PREX1: variants seen among roughly 807,000 people sequenced by gnomAD.
PREX1 encodes the protein phosphatidylinositol-3,4,5-trisphosphate dependent Rac exchange factor 1.
In PREX1, 41 loss-of-function variants were observed where a neutral mutation model predicts 198.3. That is an observed-to-expected ratio of 0.21 (90% confidence interval 0.16 to 0.27). PREX1 has a LOEUF of 0.27. Among genes scored for constraint, PREX1 ranks in the 10% least tolerant of loss-of-function variants. The probability of loss-of-function intolerance (pLI) is 1.00; values close to 1 mark genes in which losing one functional copy is unlikely to be tolerated. For missense variants in PREX1, 1,620 were observed against 2,200.7 expected, an observed-to-expected ratio of 0.74 and a Z score of 5.28; for synonymous variants, 843 against 887.2, an observed-to-expected ratio of 0.95 and a Z score of 0.89.
intron 14 of PREX1, among the ~76,000 whole-genome samples, chr20:48,674,716 C>A (rs1386616296): frequency 6.6e-6 from 1 of 152,142 alleles, no homozygotes; most frequent in South Asian, 2.1e-4. Flanking sequence ...CCTGCTGGGG[C>A]CTTATCCAGA....
rs929351375 is a variant in PREX1 at position 48,650,085 on chromosome 20, G to A, written c.2939C>T (p.Ser980Phe). 1 of 1,614,216 alleles carries A rather than the reference G, an allele frequency of 6.2e-7. No homozygotes were observed. The highest frequency in any genetic ancestry group is 8.5e-7 in the Non-Finnish European group (1 of 1,180,018). ...TNCHINLMEV[S>F]YPKTTPSVGR... Reference sequence around the variant, plus strand: ...CACTGAGGGGGTGGTCTTGGGGTAGGACACTTCCATGAGGTTGATGTGGCA... The same window carrying A: ...CACTGAGGGGGTGGTCTTGGGGTAGAACACTTCCATGAGGTTGATGTGGCA... Residue 980 changes from serine (S) to phenylalanine (F), a missense_variant, in exon 24 of 40, where the codon TCC becomes TTC. Physicochemically the swap from Ser to Phe is radical, Grantham distance 155 (BLOSUM62 -2). Coordinates refer to ENST00000371941, the MANE Select transcript of PREX1 (RefSeq NM_020820.4).
chr20:48,751,636 C>T (rs899220796), intron 1 of PREX1, among the ~76,000 whole-genome samples: 1 of 152,206 alleles, frequency 6.6e-6, no homozygotes, highest in Non-Finnish European at 1.5e-5. Context: ...GCGACTCTTC[C>T]TTTGTCCAAG....
In PREX1 at chr20:48,691,102, G is replaced by T. The variant is rs1396764641; in HGVS notation, c.1037-6C>A. Reference sequence around the variant, plus strand: ...GCCGTTGCTATGGTAATCCGCTGGTGGGGGCAGGAGGCAAAGGTGCAGCAG... The same window carrying T: ...GCCGTTGCTATGGTAATCCGCTGGTTGGGGCAGGAGGCAAAGGTGCAGCAG... On this transcript the variant is annotated splice_polypyrimidine_tract_variant and splice_region_variant and intron_variant, in intron 8 of 39. Transcript: ENST00000371941. The surrounding 1 kb of genome is among the most constrained non-coding windows in gnomAD (Gnocchi z 5.0). 4 of 1,613,980 alleles carry T rather than the reference G, an allele frequency of 2.5e-6. No individual in the cohort carries two copies. In the South Asian group the frequency reaches 4.4e-5, roughly 18 times the overall value.
intron 1 of PREX1, among the ~76,000 whole-genome samples, chr20:48,769,991 C>T (rs1375162469): frequency 6.6e-6 from 1 of 152,204 alleles, no homozygotes; most frequent in Admixed American, 6.5e-5. Context: ...CCATAAATCA[C>T]TTGTAAGCCC....
intron 1 of PREX1, among the ~76,000 whole-genome samples, chr20:48,755,113 T>C (rs1445695111): frequency 6.6e-6 from 1 of 152,210 alleles, no homozygotes; most frequent in African/African-American, 2.4e-5. Flanking sequence ...CAACAAGGAA[T>C]GATCATGCTA....
At chr20:48,653,623 AC>A in intron 19 of PREX1, 126 bp from the exon 20 acceptor site, 1 of 1,188,934 alleles carries the variant, frequency 8.4e-7, no homozygotes, top group Non-Finnish European at 1.2e-6. Context: ...CACCCCTCCC[AC>A]CCCAGAGCCG....
intron 3 of PREX1, among the ~76,000 whole-genome samples, chr20:48,735,416 G>A (rs920169461): frequency 3.3e-5 from 5 of 152,136 alleles, no homozygotes; most frequent in Non-Finnish European, 4.4e-5. Context: ...ATGGCCTTCC[G>A]ATGGGAGGCT....
chr20:48,645,434 G>C (rs1450498765), intron 26 of PREX1, among the ~76,000 whole-genome samples: 1 of 152,166 alleles, frequency 6.6e-6, no homozygotes, highest in Admixed American at 6.5e-5. Flanking sequence ...AGAAAATTTA[G>C]ATCTTCTCAG....
intron 5 of PREX1, among the ~76,000 whole-genome samples, chr20:48,715,177 GTGCT>G (rs893753383): frequency 6.6e-5 from 10 of 152,178 alleles, no homozygotes; most frequent in Admixed American, 1.3e-4. Context: ...AACCCAAGAG[GTGCT>G]TGCTTGCTTG....
chr20:48,645,834 CT>C lies in PREX1; in HGVS notation c.3512+16del, dbSNP rs763337766. The C allele has an allele frequency of 4.3e-6, 7 of 1,612,890 alleles. No individual in the cohort carries two copies. The highest frequency in any genetic ancestry group is 5.9e-6 in the Non-Finnish European group (7 of 1,179,492). ...GCCATCCTCATCTAACCTCAGCCCC[CT>C]GACGGTGACACCCACCTGTAGGAGT... On this transcript the variant is annotated intron_variant, in intron 26 of 39. Coordinates refer to ENST00000371941, the MANE Select transcript of PREX1 (RefSeq NM_020820.4).
chr20:48,650,952 C>T lies in PREX1; in HGVS notation c.2759G>A (p.Arg920His), dbSNP rs571486009. 3.7e-5 allele frequency: 60 copies of T among 1,614,160 alleles called. No homozygotes were observed. Among genetic ancestry groups the T allele is most frequent in the Middle Eastern group, 1.6e-4 (1 of 6,062 alleles). ...CTCCAGCTTGGTGTCACAGATGTTG[C>T]GGAACTCAAAGTGGGGCATGGTCAC... ...AIVTMPHFEF[R>H]NICDTKLESI... The change falls in exon 23 of 40, where the codon CGC becomes CAC. Residue 920 changes from arginine to histidine, a missense_variant. Arg to His is a conservative substitution (Grantham distance 29, BLOSUM62 0). Around this residue, in one of 7 missense-constraint regions of PREX1, gnomAD observed 514 missense variants for 611.6 expected, o/e 0.84. Transcript: ENST00000371941.
intron 6 of PREX1, among the ~76,000 whole-genome samples, chr20:48,702,257 C>G (rs1248424123): frequency 1.3e-5 from 2 of 151,406 alleles, no homozygotes; most frequent in East Asian, 1.9e-4. Context: ...ATGGGAAGGT[C>G]CTAGCTGGGA....
intron 5 of PREX1, among the ~76,000 whole-genome samples, chr20:48,719,669 C>T (rs555459031): frequency 6.6e-6 from 1 of 152,236 alleles, no homozygotes; most frequent in Admixed American, 6.5e-5. Flanking sequence ...GGACAATTGT[C>T]CAATAGAAAA....
At chr20:48,808,323 T>C (rs1431174428) in intron 1 of PREX1, among the ~76,000 whole-genome samples, 1 of 152,126 alleles carries the variant, frequency 6.6e-6, no homozygotes, top group Non-Finnish European at 1.5e-5. Flanking sequence ...CTCATGCAGT[T>C]CATCCCCACA....
At position 48,664,061 on chromosome 20, in the gene PREX1, G is replaced by C. The variant is rs551698367; in HGVS notation, c.1738+2222C>G. 6.2e-4 allele frequency among the ~76,000 whole-genome samples: 95 copies of C among 152,316 alleles called. 1 individual carries two copies. Among genetic ancestry groups the C allele is most frequent in the Non-Finnish European group, 9.1e-4 (62 of 68,028 alleles). On this transcript the variant is annotated intron_variant, in intron 15 of 39. Coordinates refer to ENST00000371941, the MANE Select transcript of PREX1 (RefSeq NM_020820.4). ...GGAGTGATGGGATCTGCCTAACAGG[G>C]AGAGAACAGGCCCTTAAAAAAAAGA...
chr20:48,652,781 C>T, intron 20 of PREX1, 75 bp from the exon 21 acceptor site: 11 of 1,496,838 alleles, frequency 7.3e-6, no homozygotes, highest in Non-Finnish European at 9.0e-6. Context: ...GAGGTGTGAA[C>T]TGCCCCTGGG....
intron 3 of PREX1, among the ~76,000 whole-genome samples, chr20:48,738,611 C>T (rs185717092): frequency 8.4e-4 from 128 of 152,276 alleles, no homozygotes; most frequent in African/African-American, 3.0e-3. Context: ...GATTGCTTTG[C>T]CAGGAAGAAA....
chr20:48,877,622 GTGTAGGCCCCA>G, the PREX1 span, among the ~76,000 whole-genome samples: 3 of 152,234 alleles, frequency 2.0e-5, no homozygotes, highest in Non-Finnish European at 4.4e-5. Context: ...GATTGGCCTG[GTGTAGGCCCCA>G]TGTCCATTTC....
chr20:48,828,528 C>CCTGGGCAGTGACGGCCCCTCT (rs538472789), upstream of PREX1, among the ~76,000 whole-genome samples: 3,613 of 152,192 alleles, frequency 0.024, 62 homozygotes, highest in Middle Eastern at 0.031. Context: ...GCGACCGCTG[C>CCTGGGCAGTGACGGCCCCTCT]CTGGGCAGTG....
Sources: gnomAD v4.1 joint callset for allele counts (sites outside exome capture counted in the v4.1 genomes callset) on GRCh38, gnomAD v4.1.1 for gene constraint, gnomAD v4.1.1 regional missense constraint, Gnocchi (gnomAD v3.1) non-coding constraint, MANE v1.5 for transcripts, NCBI Gene and HGNC (gene_info 2026-07-23, HGNC 2026-07-21) for gene names.